TMEM213: variants seen among roughly 807,000 people sequenced by gnomAD.
TMEM213 encodes transmembrane protein 213.
Under a neutral mutation model 11.6 loss-of-function variants are expected in TMEM213, and 7 were observed. That is an observed-to-expected ratio of 0.60 (90% CI 0.34 to 1.13). TMEM213 has a LOEUF of 1.13. Ranked by LOEUF, TMEM213 falls within the 50% of genes most tolerant of loss-of-function variation. TMEM213 has a pLI of 0.03. For synonymous variants in TMEM213, 60 were observed against 58.3 expected (o/e 1.03, Z -0.13); for missense variants, 129 against 139.0 (o/e 0.93, Z 0.36).
rs757607619 is a variant in TMEM213 at position 138,798,399 on chromosome 7, G to A, written c.82+213G>A. On this transcript the variant is annotated intron_variant, in intron 1 of 2. Coordinates refer to ENST00000442682, the MANE Select transcript of TMEM213 (RefSeq NM_001085429.2). ...GGGGGGTCTTAGGTTGGCCTGAGACGGAGATCAGATACTCAATTCCTCAGC... is the reference window on the plus strand; with the variant it reads ...GGGGGGTCTTAGGTTGGCCTGAGACAGAGATCAGATACTCAATTCCTCAGC... 8.9e-4 allele frequency: 505 copies of A among 566,520 alleles called. 3 individuals carry two copies. The highest frequency in any genetic ancestry group is 1.2e-3 in the Non-Finnish European group (364 of 315,962). The allele number at this position is 566,520 out of a possible 1,614,324, so 35.1% of individuals were successfully genotyped here. A position where few individuals can be genotyped will look rare whatever the true frequency, so the allele number is the denominator to read the frequency against.
intron 2 of TMEM213, 144 bp downstream of exon 2, chr7:138,801,542 A>G: frequency 6.6e-6 from 5 of 761,496 alleles, no homozygotes; most frequent in Non-Finnish European, 1.1e-5. Context: ...GGTTTGTCCC[A>G]GAACTATTTG....
In TMEM213 at chr7:138,803,779, G is replaced by GAAA. The variant is rs3087006; in HGVS notation, c.*726_*728dup. 0.01 allele frequency: 1,080 copies of GAAA among 103,180 alleles called. 28 individuals carry two copies. Among genetic ancestry groups the GAAA allele is most frequent in the African/African-American group, 0.038 (979 of 26,092 alleles). 6.4% of individuals were successfully genotyped at this position (103,180 alleles called of 1,614,324 possible). ...GGCGGCAGAGCAAGACTCTGTATCA[G>GAAA]AAAAAAAAAAAAAAAAAAGAATGTG... On this transcript the variant is annotated 3_prime_UTR_variant, in exon 3 of 3. Coordinates refer to ENST00000442682, the MANE Select transcript of TMEM213 (RefSeq NM_001085429.2).
rs1448073606 is a variant in TMEM213 at position 138,805,081 on chromosome 7, C to T, written c.*2012C>T. 1.3e-5 allele frequency: 2 copies of T among 152,132 alleles called. No individual in the cohort carries two copies. The allele number at this position is 152,132 out of a possible 1,614,324, so 9.4% of individuals were successfully genotyped here. A position where few individuals can be genotyped will look rare whatever the true frequency, so the allele number is the denominator to read the frequency against. ...CAGAAACTGAAGAGATTGCCTGGTT[C>T]ATCTTGTAGTCTTCCAAAACAGCAG... On this transcript the variant is annotated 3_prime_UTR_variant, in exon 3 of 3. Coordinates refer to ENST00000442682, the MANE Select transcript of TMEM213 (RefSeq NM_001085429.2).
intron 1 of TMEM213, among the ~76,000 whole-genome samples, chr7:138,800,345 G>A (rs889980093): frequency 2.0e-5 from 3 of 152,100 alleles, no homozygotes; most frequent in African/African-American, 7.2e-5. Context: ...TCTTCTTATT[G>A]TCAGTTATGG....
Position 138,806,267 on chromosome 7 carries a change from CG to C in TMEM213, c.*3201del, listed in dbSNP as rs1486966209. The stretch of plus-strand genomic sequence containing the variant: ...GCTCACTCCTGTAATTCCAGCACTT[CG>C]GGAGGCCAAGACAGGAGGATTGCTT... On this transcript the variant is annotated 3_prime_UTR_variant, in exon 3 of 3. Coordinates refer to ENST00000442682, the MANE Select transcript of TMEM213 (RefSeq NM_001085429.2). 1 of 151,952 alleles carries C rather than the reference CG, an allele frequency of 6.6e-6. No homozygotes were observed. 9.4% of individuals were successfully genotyped at this position (151,952 alleles called of 1,614,324 possible).
chr7:138,804,804 T>A lies in TMEM213; in HGVS notation c.*1735T>A, dbSNP rs1248634216. The A allele has an allele frequency of 2.6e-5, 4 of 152,188 alleles. No homozygotes were observed. Among genetic ancestry groups the A allele is most frequent in the South Asian group, 2.1e-4 (1 of 4,832 alleles). The allele number at this position is 152,188 out of a possible 1,614,324, so 9.4% of individuals were successfully genotyped here. On this transcript the variant is annotated 3_prime_UTR_variant, in exon 3 of 3. Transcript: ENST00000442682. ...GTCACTTAGCATGGAGAGTGGACGTTGCACATCACTGTGAAACCTTGCAGA... is the reference window on the plus strand; with the variant it reads ...GTCACTTAGCATGGAGAGTGGACGTAGCACATCACTGTGAAACCTTGCAGA...
rs1809047182 is a variant in TMEM213 at position 138,804,691 on chromosome 7, C to G, written c.*1622C>G. The G allele has an allele frequency of 6.6e-6, 1 of 152,194 alleles. No individual in the cohort carries two copies. The highest frequency in any genetic ancestry group is 2.4e-5 in the African/African-American group (1 of 41,438). 9.4% of individuals were successfully genotyped at this position (152,194 alleles called of 1,614,324 possible). A position where few individuals can be genotyped will look rare whatever the true frequency, so the allele number is the denominator to read the frequency against. Reference sequence around the variant, plus strand: ...TAAGGTCCTCACTCTGCATTAGGAGCCTCCATTTTTCTCCAGATGGTTGAA... The same window carrying G: ...TAAGGTCCTCACTCTGCATTAGGAGGCTCCATTTTTCTCCAGATGGTTGAA... On this transcript the variant is annotated 3_prime_UTR_variant, in exon 3 of 3. Coordinates refer to ENST00000442682, the MANE Select transcript of TMEM213 (RefSeq NM_001085429.2).
chr7:138,801,617 A>T (rs562236087), intron 2 of TMEM213: 86 of 561,686 alleles, frequency 1.5e-4, no homozygotes, highest in African/African-American at 1.5e-3. Flanking sequence ...TTTGACACAG[A>T]TTGCTTTAAT....
Position 138,803,142 on chromosome 7 carries a change from A to C in TMEM213, c.*73A>C. 1.3e-6 allele frequency: 2 copies of C among 1,496,056 alleles called. No homozygotes were observed. The highest frequency in any genetic ancestry group is 1.8e-6 in the Non-Finnish European group (2 of 1,106,418). The allele number at this position is 1,496,056 out of a possible 1,614,324, so 92.7% of individuals were successfully genotyped here. On this transcript the variant is annotated 3_prime_UTR_variant, in exon 3 of 3. Transcript: ENST00000442682. ...AATGGGGAAGGGGAGTAAGGCTAACATGGTTTCTATTATTTAAGTCATTTT... is the reference window on the plus strand; with the variant it reads ...AATGGGGAAGGGGAGTAAGGCTAACCTGGTTTCTATTATTTAAGTCATTTT...
At position 138,806,201 on chromosome 7, in the gene TMEM213, T is replaced by C. The variant is rs945631464; in HGVS notation, c.*3132T>C. 1.3e-5 allele frequency: 2 copies of C among 152,186 alleles called. No individual in the cohort carries two copies. Among genetic ancestry groups the C allele is most frequent in the Non-Finnish European group, 2.9e-5 (2 of 68,048 alleles). 9.4% of individuals were successfully genotyped at this position (152,186 alleles called of 1,614,324 possible). ...GATTACAGCAGACCAGATCTTTATC[T>C]GTCAATAAGTTAAAAAAGATAATCT... On this transcript the variant is annotated 3_prime_UTR_variant, in exon 3 of 3. Transcript: ENST00000442682.
intron 2 of TMEM213, 166 bp downstream of exon 2, chr7:138,801,564 T>C: frequency 1.5e-6 from 1 of 648,498 alleles, no homozygotes; most frequent in South Asian, 1.9e-5. Context: ...AGAGCAGGTC[T>C]GAAAGGCTTT....
chr7:138,804,047 CG>C lies in TMEM213; in HGVS notation c.*980del, dbSNP rs1211806159. 4.6e-5 allele frequency: 7 copies of C among 152,866 alleles called. No individual in the cohort carries two copies. The highest frequency in any genetic ancestry group is 1.7e-4 in the African/African-American group (7 of 41,570). The allele number at this position is 152,866 out of a possible 1,614,324, so 9.5% of individuals were successfully genotyped here. A position where few individuals can be genotyped will look rare whatever the true frequency, so the allele number is the denominator to read the frequency against. On this transcript the variant is annotated 3_prime_UTR_variant, in exon 3 of 3. Coordinates refer to ENST00000442682, the MANE Select transcript of TMEM213 (RefSeq NM_001085429.2). ...CCTTCTGGCTTCATCCTGTCTTCCA[CG>C]GCTCTCCTGTCCCACCTATTCTCCC...
chr7:138,801,385 G>T lies in TMEM213; in HGVS notation c.141G>T (p.Leu47=). ...CTCACCACCCAGACCCTGGGACCCT[G>T]GAGCAGTGCCTCAGTAAGCTTCTCC... ...LTAHHPDPGT[L]EQCLNVDFCP... Residue 47 remains leucine, a synonymous_variant, in exon 2 of 3, where the codon CTG becomes CTT. Coordinates refer to ENST00000442682, the MANE Select transcript of TMEM213 (RefSeq NM_001085429.2). 1 of 1,609,938 alleles carries T rather than the reference G, an allele frequency of 6.2e-7. No homozygotes were observed. Among genetic ancestry groups the T allele is most frequent in the East Asian group, 2.2e-5 (1 of 44,762 alleles).
At chr7:138,801,691 G>A in intron 2 of TMEM213, 1 of 405,168 alleles carries the variant, frequency 2.5e-6, no homozygotes, top group South Asian at 4.4e-5. Flanking sequence ...GTTTGGAGGT[G>A]GAAAGGCCAT....
chr7:138,800,743 C>G (rs567380304), intron 1 of TMEM213, among the ~76,000 whole-genome samples: 2 of 143,152 alleles, frequency 1.4e-5, no homozygotes, highest in South Asian at 4.6e-4. Context: ...ACTCGTCACC[C>G]AGGCTGGAGT....
At position 138,802,773 on chromosome 7, in the gene TMEM213, A is replaced by G; in HGVS notation, c.155-127A>G. ...CGTGTAAAAGCACGCAGCACAGTGCATGGCACGTAGTAGGCCTCATCAGTG... is the reference window on the plus strand; with the variant it reads ...CGTGTAAAAGCACGCAGCACAGTGCGTGGCACGTAGTAGGCCTCATCAGTG... On this transcript the variant is annotated intron_variant, in intron 2 of 2. Transcript: ENST00000442682. 3 of 972,370 alleles carry G rather than the reference A, an allele frequency of 3.1e-6. No homozygotes were observed. In the South Asian group the frequency reaches 5.5e-5, roughly 18 times the overall value. 60.2% of individuals were successfully genotyped at this position (972,370 alleles called of 1,614,324 possible).
At position 138,798,138 on chromosome 7, in the gene TMEM213, C is replaced by T. The variant is rs753254556; in HGVS notation, c.34C>T (p.Leu12=). 13 of 1,602,082 alleles carry T rather than the reference C, an allele frequency of 8.1e-6. No homozygotes were observed. The highest frequency in any genetic ancestry group is 1.0e-5 in the Non-Finnish European group (12 of 1,175,016). Residue 12 remains leucine (L), a synonymous_variant, in exon 1 of 3, where the codon CTG becomes TTG. Coordinates refer to ENST00000442682, the MANE Select transcript of TMEM213 (RefSeq NM_001085429.2). ...QRLPAATRAT[L]ILSLAFASLH... The stretch of plus-strand genomic sequence containing the variant: ...CCTCCCCGCTGCCACCCGGGCCACC[C>T]TGATCCTCAGCCTGGCCTTTGCCTC...
chr7:138,805,233 A>C lies in TMEM213; in HGVS notation c.*2164A>C, dbSNP rs1414591041. Reference sequence around the variant, plus strand: ...CATAATGAGACCCTGTCTCTACAAAAAAAAAAAAAAGATTAGCCAGGCGTG... The same window carrying C: ...CATAATGAGACCCTGTCTCTACAAACAAAAAAAAAAGATTAGCCAGGCGTG... On this transcript the variant is annotated 3_prime_UTR_variant, in exon 3 of 3. Coordinates refer to ENST00000442682, the MANE Select transcript of TMEM213 (RefSeq NM_001085429.2). The C allele has an allele frequency of 7.9e-6, 1 of 126,612 alleles. No individual in the cohort carries two copies. The highest frequency in any genetic ancestry group is 1.8e-5 in the Non-Finnish European group (1 of 56,744). The allele number at this position is 126,612 out of a possible 1,614,324, so 7.8% of individuals were successfully genotyped here. A position where few individuals can be genotyped will look rare whatever the true frequency, so the allele number is the denominator to read the frequency against.
intron 1 of TMEM213, among the ~76,000 whole-genome samples, chr7:138,798,963 G>A (rs867951752): frequency 6.6e-6 from 1 of 152,194 alleles, no homozygotes; most frequent in Middle Eastern, 3.4e-3. Flanking sequence ...TCCTGTGTCT[G>A]CCCCTCTCAT....
Sources: allele counts gnomAD v4.1 joint callset (sites outside exome capture counted in the v4.1 genomes callset), GRCh38; gene constraint gnomAD v4.1.1; transcripts MANE v1.5; gene names NCBI Gene and HGNC (gene_info 2026-07-23, HGNC 2026-07-21).